CNTNAP2: variants seen among roughly 807,000 people sequenced by gnomAD.
CNTNAP2 encodes contactin associated protein 2.
Under a neutral mutation model 155.2 loss-of-function variants are expected in CNTNAP2, and 98 were observed. The observed-to-expected ratio is 0.63, with a 90% confidence interval of 0.54 to 0.75. The LOEUF (loss-of-function observed/expected upper bound fraction) is 0.75, where lower values mean the gene tolerates loss of function less well. CNTNAP2 is among the 30% of genes least tolerant of loss of function. The probability of loss-of-function intolerance (pLI) is 0.00; values close to 1 mark genes in which losing one functional copy is unlikely to be tolerated. For missense variants in CNTNAP2, 1,727 were observed against 1,688.1 expected (o/e 1.02, Z -0.40); for synonymous variants, 651 against 631.2 (o/e 1.03, Z -0.47).
chr7:148,306,895 A>G (rs527838412), intron 21 of CNTNAP2, among the ~76,000 whole-genome samples: 1 of 152,286 alleles, frequency 6.6e-6, no homozygotes, highest in Admixed American at 6.5e-5. Flanking sequence ...TTGAGGCACT[A>G]CAAATATGAC....
At chr7:147,181,092 A>G (rs1802447817) in intron 8 of CNTNAP2, among the ~76,000 whole-genome samples, 1 of 152,236 alleles carries the variant, frequency 6.6e-6, no homozygotes, top group South Asian at 2.1e-4. Context: ...TGCATGGGAC[A>G]ATGAGGGCAC....
chr7:146,729,091 A>T (rs988862124), intron 1 of CNTNAP2, among the ~76,000 whole-genome samples: 1 of 152,186 alleles, frequency 6.6e-6, no homozygotes, highest in Non-Finnish European at 1.5e-5. Flanking sequence ...CGCGGAGCTC[A>T]GTTGAAGTAT....
chr7:147,596,711 G>C (rs1318421819), intron 12 of CNTNAP2, among the ~76,000 whole-genome samples: 2 of 152,278 alleles, frequency 1.3e-5, no homozygotes, highest in Non-Finnish European at 2.9e-5. Flanking sequence ...AGAGCTGGGT[G>C]AAATAAGGCT....
chr7:146,884,313 T>C (rs531868730), intron 3 of CNTNAP2, among the ~76,000 whole-genome samples: 21 of 152,310 alleles, frequency 1.4e-4, no homozygotes, highest in African/African-American at 4.3e-4. Context: ...GAGGTTCAAC[T>C]GTGCTTCTTT....
chr7:146,383,532 C>T (rs1210841883), intron 1 of CNTNAP2, among the ~76,000 whole-genome samples: 1 of 152,106 alleles, frequency 6.6e-6, no homozygotes, highest in African/African-American at 2.4e-5. Context: ...ATACCCCATA[C>T]ATTCTAAATT....
chr7:146,273,740 C>T (rs947308373), intron 1 of CNTNAP2, among the ~76,000 whole-genome samples: 1 of 152,070 alleles, frequency 6.6e-6, no homozygotes, highest in Non-Finnish European at 1.5e-5. Flanking sequence ...ACCTATTCTG[C>T]GGTCTGTGGT....
intron 13 of CNTNAP2, among the ~76,000 whole-genome samples, chr7:147,900,236 AAATCTCATATT>A (rs1799845526): frequency 6.6e-6 from 1 of 152,036 alleles, no homozygotes; most frequent in African/African-American, 2.4e-5. Flanking sequence ...GTCCCCACCC[AAATCTCATATT>A]GAATTGTAAT....
intron 12 of CNTNAP2, among the ~76,000 whole-genome samples, chr7:147,570,675 G>A (rs955450667): frequency 2.0e-5 from 3 of 152,136 alleles, no homozygotes; most frequent in Admixed American, 2.0e-4. Context: ...TCACAAGGTG[G>A]GTAATACTAT....
chr7:147,048,838 T>C (rs539066507), intron 4 of CNTNAP2, among the ~76,000 whole-genome samples: 353 of 152,318 alleles, frequency 2.3e-3, no homozygotes, highest in Middle Eastern at 0.014. Flanking sequence ...CCTATAAAAG[T>C]TATGTTTTAA....
At chr7:147,745,040 A>C (rs753559194) in intron 13 of CNTNAP2, among the ~76,000 whole-genome samples, 10 of 144,828 alleles carry the variant, frequency 6.9e-5, no homozygotes, top group Non-Finnish European at 1.1e-4. Flanking sequence ...ACATAAAAAC[A>C]TTTCTGAGAG....
At chr7:147,903,182 G>T (rs1206732256) in intron 13 of CNTNAP2, among the ~76,000 whole-genome samples, 1 of 152,084 alleles carries the variant, frequency 6.6e-6, no homozygotes, top group Non-Finnish European at 1.5e-5. Flanking sequence ...TGGGAATAAG[G>T]TAGTATTGCA....
chr7:148,133,015 A>ATC (rs1308151954), intron 16 of CNTNAP2, among the ~76,000 whole-genome samples: 1 of 152,224 alleles, frequency 6.6e-6, no homozygotes, highest in Non-Finnish European at 1.5e-5. Context: ...CCTGATGAAC[A>ATC]TCCTCTTGTC....
chr7:146,774,684 A>T (rs1255259596), intron 2 of CNTNAP2, among the ~76,000 whole-genome samples: 1 of 152,188 alleles, frequency 6.6e-6, no homozygotes, highest in Non-Finnish European at 1.5e-5. Context: ...CCTATTAATC[A>T]GAAAATCATT....
chr7:148,412,007 G>A (rs6464891), intron 23 of CNTNAP2, among the ~76,000 whole-genome samples: 88,441 of 151,164 alleles, frequency 0.59, 26,685 homozygotes, highest in African/African-American at 0.67. Context: ...ACAGTGGCGC[G>A]ATCTCGGCTC....
At chr7:147,099,002 G>A (rs1460225809) in intron 4 of CNTNAP2, among the ~76,000 whole-genome samples, 2 of 151,686 alleles carry the variant, frequency 1.3e-5, no homozygotes, top group Non-Finnish European at 2.9e-5. Flanking sequence ...GAGGTAGGGA[G>A]CTCAGGGAAG....
At chr7:147,442,587 T>C (rs1432341689) in intron 10 of CNTNAP2, among the ~76,000 whole-genome samples, 2 of 152,118 alleles carry the variant, frequency 1.3e-5, no homozygotes, top group African/African-American at 4.8e-5. Flanking sequence ...TCTCACCCCA[T>C]AGCCATCATA....
intron 6 of CNTNAP2, 80 bp from the exon 7 acceptor site, chr7:147,128,613 G>C: frequency 6.6e-7 from 1 of 1,518,372 alleles, no homozygotes; most frequent in Non-Finnish European, 9.1e-7. Context: ...ATAGATACTT[G>C]ACCTTCACTG....
At chr7:147,670,022 A>T (rs1254727818) in intron 13 of CNTNAP2, among the ~76,000 whole-genome samples, 1 of 152,124 alleles carries the variant, frequency 6.6e-6, no homozygotes, top group African/African-American at 2.4e-5. Flanking sequence ...AGATGGCATT[A>T]CTGGTCTCAT....
chr7:148,105,744 A>C (rs1174070870), intron 15 of CNTNAP2, among the ~76,000 whole-genome samples: 58 of 151,686 alleles, frequency 3.8e-4, no homozygotes, highest in Non-Finnish European at 4.4e-5. Context: ...CTGCCACCAC[A>C]CTCAGCTAAT....
Sources: gnomAD v4.1 joint callset for allele counts (sites outside exome capture counted in the v4.1 genomes callset) on GRCh38, gnomAD v4.1.1 for gene constraint, MANE v1.5 for transcripts, NCBI Gene and HGNC (gene_info 2026-07-23, HGNC 2026-07-21) for gene names.